Variants in ZC3H4 observed in about 807,000 individuals in gnomAD.
ZC3H4 encodes zinc finger CCCH domain-containing protein 4.
A neutral mutation model predicts 108.3 loss-of-function variants in ZC3H4; 13 were observed. The observed-to-expected ratio is 0.12, with a 90% CI of 0.08 to 0.19. The LOEUF (loss-of-function observed/expected upper bound fraction) is 0.19, where lower values mean the gene tolerates loss of function less well. Among genes scored for constraint, ZC3H4 ranks in the 10% least tolerant of loss-of-function variants. The probability of loss-of-function intolerance (pLI) is 1.00; values close to 1 mark genes in which losing one functional copy is unlikely to be tolerated. For missense variants in ZC3H4, 1,734 were observed against 1,838.8 expected (o/e 0.94, Z 1.04); for synonymous variants, 917 against 749.6 (o/e 1.22, Z -3.65).
At chr19:47,101,557 T>C (rs540875505) in intron 2 of ZC3H4, among the ~76,000 whole-genome samples, 62 of 151,962 alleles carry the variant, frequency 4.1e-4, no homozygotes, top group African/African-American at 1.4e-3. Context: ...AAATTTTTTT[T>C]CCATAATAAA....
At chr19:47,087,476 T>C (rs932349526) in intron 5 of ZC3H4, among the ~76,000 whole-genome samples, 2 of 151,614 alleles carry the variant, frequency 1.3e-5, no homozygotes, top group African/African-American at 4.8e-5. Flanking sequence ...GGCTCAATCC[T>C]ATAATCTCAG....
intron 11 of ZC3H4, among the ~76,000 whole-genome samples, chr19:47,076,551 G>A (rs936271604): frequency 2.0e-5 from 3 of 152,166 alleles, no homozygotes; most frequent in Non-Finnish European, 2.9e-5. Flanking sequence ...GACTCAATGT[G>A]TTTGTCAAAA....
intron 2 of ZC3H4, among the ~76,000 whole-genome samples, chr19:47,108,845 G>A (rs1310196304): frequency 6.6e-6 from 1 of 152,020 alleles, no homozygotes; most frequent in African/African-American, 2.4e-5. Context: ...GTCATTTTGG[G>A]GAACCGCATT....
rs761334180 is a variant in ZC3H4, at chr19:47,072,751, G to T, written c.1441-38C>A. The T allele has an allele frequency of 1.9e-6, 3 of 1,609,432 alleles. No individual in the cohort carries two copies. Among genetic ancestry groups the T allele is most frequent in the East Asian group, 4.5e-5 (2 of 44,864 alleles). ...AAGAACAAAAGAAGGTGTGGACGGGGTCAGGATGGAAACGGACCTCTCCAG... is the reference window on the plus strand; with the variant it reads ...AAGAACAAAAGAAGGTGTGGACGGGTTCAGGATGGAAACGGACCTCTCCAG... On this transcript the variant is annotated intron_variant, in intron 11 of 14. Coordinates refer to ENST00000253048, the MANE Select transcript of ZC3H4 (RefSeq NM_015168.2). This position sits in a 1 kb window ranked among gnomAD's most constrained non-coding sequence, Gnocchi z 5.6.
intron 9 of ZC3H4, 90 bp downstream of exon 9, chr19:47,084,255 C>T: frequency 1.6e-6 from 2 of 1,257,138 alleles, no homozygotes; most frequent in South Asian, 1.3e-5. Flanking sequence ...CTCCCACCCA[C>T]CCTCACCACG....
At chr19:47,103,762 T>TA (rs748735701) in intron 2 of ZC3H4, among the ~76,000 whole-genome samples, 12,052 of 108,328 alleles carry the variant, frequency 0.11, 680 homozygotes, top group South Asian at 0.21. Flanking sequence ...CCGTCTCTAC[T>TA]AAAAAAAAAA....
In ZC3H4 at chr19:47,084,275, CCTT is replaced by C. The variant is rs1215527319; in HGVS notation, c.1218+67_1218+69del. ...ACCCACCCTCACCACGGCTCCAGAA[CCTT>C]CTGGAAGCCATGTGTCCTCTGGGGG... On this transcript the variant is annotated intron_variant, in intron 9 of 14. Coordinates refer to ENST00000253048, the MANE Select transcript of ZC3H4 (RefSeq NM_015168.2). 1.6e-4 allele frequency: 237 copies of C among 1,458,646 alleles called. 2 individuals carry two copies. The East Asian group carries it at 5.3e-3, about 33-fold the overall frequency. 90.4% of individuals were successfully genotyped at this position (1,458,646 alleles called of 1,614,324 possible). A position where few individuals can be genotyped will look rare whatever the true frequency, so the allele number is the denominator to read the frequency against.
Position 47,112,499 on chromosome 19 carries a change from G to A in ZC3H4, c.86C>T (p.Pro29Leu). Residue 29 changes from proline to leucine, a missense_variant, in exon 2 of 15, where the codon CCT (proline) becomes CTT (leucine). By Grantham distance (98) the Pro-to-Leu change is moderately conservative. Around this residue, in one of 9 missense-constraint regions of ZC3H4, gnomAD observed 112 missense variants for 73.3 expected, o/e 1.53. Coordinates refer to ENST00000253048, the MANE Select transcript of ZC3H4 (RefSeq NM_015168.2). Reference sequence around the variant, plus strand: ...GCGGGCGTCGGGGGAACACGGAGGAGGCGAAGGCGTTGATGGCGGCGGCGG... The same window carrying A: ...GCGGGCGTCGGGGGAACACGGAGGAAGCGAAGGCGTTGATGGCGGCGGCGG... ...PSPPPPSTPS[P>L]PPCSPDARPA... 3 of 1,138,194 alleles carry A rather than the reference G, an allele frequency of 2.6e-6. No homozygotes were observed. The allele number at this position is 1,138,194 out of a possible 1,614,324, so 70.5% of individuals were successfully genotyped here. A position where few individuals can be genotyped will look rare whatever the true frequency, so the allele number is the denominator to read the frequency against.
Position 47,067,170 on chromosome 19 carries a change from G to A in ZC3H4, c.3098C>T (p.Ser1033Phe), listed in dbSNP as rs765383159. The change falls in exon 15 of 15, where the codon TCC becomes TTC. Residue 1033 changes from serine to phenylalanine, a missense_variant. By Grantham distance (155) the Ser-to-Phe change is radical. This residue lies in a region of ZC3H4 where 518 missense variants were observed against 499.6 expected (regional missense o/e 1.04). Transcript: ENST00000253048. The surrounding 1 kb of genome is among the most constrained non-coding windows in gnomAD (Gnocchi z 6.4). ...GGGGAGGTTGGCGCCCTGTGTGCTG[G>A]AATCCGTGGAGGCGCCCGGGCGCTG... is the stretch of plus-strand genomic sequence containing the variant. Reference protein sequence around the residue: ...ARQRPGASTDSSTQGANLPDF... With the variant: ...ARQRPGASTDFSTQGANLPDF... 3.7e-6 allele frequency: 6 copies of A among 1,611,596 alleles called. No individual in the cohort carries two copies. The highest frequency in any genetic ancestry group is 1.3e-5 in the African/African-American group (1 of 74,894).
chr19:47,090,931 C>T lies in ZC3H4; in HGVS notation c.493-742G>A, dbSNP rs138392705. ...CAGAGGGGAGAAGGGAACTCTACTA[C>T]TACCTGCTCAATTTTGAATAAACTT... On this transcript the variant is annotated intron_variant, in intron 4 of 14. Coordinates refer to ENST00000253048, the MANE Select transcript of ZC3H4 (RefSeq NM_015168.2). 3.2e-3 allele frequency among the ~76,000 whole-genome samples: 488 copies of T among 152,280 alleles called. 12 individuals carry two copies. The highest frequency in any genetic ancestry group is 1.6e-3 in the Non-Finnish European group (107 of 68,032).
At position 47,071,874 on chromosome 19, in the gene ZC3H4, T is replaced by C. The variant is rs1040508785; in HGVS notation, c.2050A>G (p.Met684Val). 1.1e-5 allele frequency: 18 copies of C among 1,613,246 alleles called. No homozygotes were observed. Among genetic ancestry groups the C allele is most frequent in the Admixed American group, 3.3e-5 (2 of 59,860 alleles). Residue 684 changes from methionine to valine, a missense_variant, in exon 13 of 15, where the codon ATG (methionine) becomes GTG (valine). Transcript: ENST00000253048. ...TGGGCTGGCGGGATAGGGGGCATCA[T>C]TCCAGAATGTGGGGAGTCTCCAGGG... ...YGPGDSPHSG[M>V]MPPIPPAQNF...
At chr19:47,101,738 G>T (rs1434747889) in intron 2 of ZC3H4, among the ~76,000 whole-genome samples, 1 of 151,976 alleles carries the variant, frequency 6.6e-6, no homozygotes, top group Non-Finnish European at 1.5e-5. Flanking sequence ...GGGCGTGGTG[G>T]CGCACGACTG....
Position 47,065,199 on chromosome 19 carries a change from G to A in ZC3H4, c.*1157C>T, listed in dbSNP as rs1334786339. 1 of 152,286 alleles carries A rather than the reference G, an allele frequency of 6.6e-6. No homozygotes were observed. The highest frequency in any genetic ancestry group is 1.5e-5 in the Non-Finnish European group (1 of 68,048). 9.4% of individuals were successfully genotyped at this position (152,286 alleles called of 1,614,324 possible). A position where few individuals can be genotyped will look rare whatever the true frequency, so the allele number is the denominator to read the frequency against. On this transcript the variant is annotated 3_prime_UTR_variant, in exon 15 of 15. Coordinates refer to ENST00000253048, the MANE Select transcript of ZC3H4 (RefSeq NM_015168.2). ...AGAGGCTCCCCATCCCCTGGCTGCAGGGTTCCCACTCAGTCCGTTTCTTAA... is the reference window on the plus strand; with the variant it reads ...AGAGGCTCCCCATCCCCTGGCTGCAAGGTTCCCACTCAGTCCGTTTCTTAA...
intron 11 of ZC3H4, among the ~76,000 whole-genome samples, chr19:47,073,252 A>G (rs978084894): frequency 6.6e-6 from 1 of 152,084 alleles, no homozygotes. Flanking sequence ...CAGCATGGAC[A>G]ACAGAGGAGA....
rs1356025336 is a variant in ZC3H4 at position 47,064,213 on chromosome 19, G to A, written c.*2143C>T. 1 of 152,584 alleles carries A rather than the reference G, an allele frequency of 6.6e-6. No individual in the cohort carries two copies. Among genetic ancestry groups the A allele is most frequent in the Non-Finnish European group, 1.5e-5 (1 of 68,034 alleles). 9.5% of individuals were successfully genotyped at this position (152,584 alleles called of 1,614,324 possible). Reference sequence around the variant, plus strand: ...TTTTAAAATAACTGCATCCTTTAATGGCAGTAATACAATTACTGGATTAAG... The same window carrying A: ...TTTTAAAATAACTGCATCCTTTAATAGCAGTAATACAATTACTGGATTAAG... On this transcript the variant is annotated 3_prime_UTR_variant, in exon 15 of 15. Coordinates refer to ENST00000253048, the MANE Select transcript of ZC3H4 (RefSeq NM_015168.2).
In ZC3H4 at chr19:47,112,527, A is replaced by T; in HGVS notation, c.58T>A (p.Ser20Thr). ...GAAGGCGTTGATGGCGGCGGCGGCGATGGCGGCGGCGGCGACTCTGATGGC... is the reference window on the plus strand; with the variant it reads ...GAAGGCGTTGATGGCGGCGGCGGCGTTGGCGGCGGCGGCGACTCTGATGGC... ...PPPSESPPPPSPPPPSTPSPP... is the reference protein window; with the variant it reads ...PPPSESPPPPTPPPPSTPSPP... The change falls in exon 2 of 15, where the codon TCG becomes ACG. Residue 20 changes from serine to threonine, a missense_variant. Physicochemically the swap from Ser to Thr is moderately conservative, Grantham distance 58. Coordinates refer to ENST00000253048, the MANE Select transcript of ZC3H4 (RefSeq NM_015168.2). 1 of 1,074,910 alleles carries T rather than the reference A, an allele frequency of 9.3e-7. No homozygotes were observed. The allele number at this position is 1,074,910 out of a possible 1,614,324, so 66.6% of individuals were successfully genotyped here.
chr19:47,110,471 T>A (rs771882184), intron 2 of ZC3H4, among the ~76,000 whole-genome samples: 17 of 152,088 alleles, frequency 1.1e-4, no homozygotes, highest in Non-Finnish European at 1.6e-4. Flanking sequence ...AAATTAAACA[T>A]TGAAAGGATG....
rs2057458827 is a variant in ZC3H4 at position 47,078,343 on chromosome 19, G to C, written c.1440+3170C>G. On this transcript the variant is annotated intron_variant, in intron 11 of 14. Transcript: ENST00000253048. The stretch of plus-strand genomic sequence containing the variant: ...ACAAAAATTAGCCAGGCACGGACGG[G>C]CATGGTGGCTCACACCTGTAATCCC... Among the ~76,000 whole-genome samples, 3 of 151,884 alleles carry C rather than the reference G, an allele frequency of 2.0e-5. No individual in the cohort carries two copies. The South Asian group carries it at 6.2e-4, about 32-fold the overall frequency.
chr19:47,077,796 G>A (rs1307070554), intron 11 of ZC3H4, among the ~76,000 whole-genome samples: 1 of 151,198 alleles, frequency 6.6e-6, no homozygotes, highest in Non-Finnish European at 1.5e-5. Flanking sequence ...GGCGGAGGTC[G>A]TGGTGAGCCA....
Sources: allele counts gnomAD v4.1 joint callset (sites outside exome capture counted in the v4.1 genomes callset), GRCh38; gene constraint gnomAD v4.1.1; regional missense constraint gnomAD v4.1.1; non-coding constraint Gnocchi (gnomAD v3.1); transcripts MANE v1.5; gene names NCBI Gene and HGNC (gene_info 2026-07-23, HGNC 2026-07-21).